NXPE2: variants seen among roughly 807,000 people sequenced by gnomAD.
NXPE2 encodes the protein NXPE family member 2.
Under a neutral mutation model 34.4 loss-of-function variants are expected in NXPE2, and 34 were observed. The observed-to-expected ratio is 0.99, with a 90% CI of 0.75 to 1.31. The LOEUF is 1.31. NXPE2 is among the 40% of genes most tolerant of loss of function. The pLI is 0.00. For missense variants in NXPE2, 649 were observed against 672.5 expected, an observed-to-expected ratio of 0.97 and a Z score of 0.39; for synonymous variants, 235 against 231.3, an observed-to-expected ratio of 1.02 and a Z score of -0.15.
the NXPE2 span, chr11:114,581,803 C>G: frequency 6.3e-6 from 10 of 1,579,006 alleles, no homozygotes; most frequent in Non-Finnish European, 8.7e-6. Context: ...GACACAAATA[C>G]AGAAATTAAT....
the NXPE2 span, among the ~76,000 whole-genome samples, chr11:114,602,003 T>C: frequency 1.9e-3 from 164 of 86,636 alleles, no homozygotes; most frequent in Middle Eastern, 0.016. Flanking sequence ...ATGTATCTAA[T>C]GTATTATATT....
chr11:114,796,276 A>G, the NXPE2 span, among the ~76,000 whole-genome samples: 1 of 152,192 alleles, frequency 6.6e-6, no homozygotes, highest in Non-Finnish European at 1.5e-5. Context: ...ATAAATCTTA[A>G]AGCTCTGTTC....
chr11:114,739,952 T>C, the NXPE2 span, among the ~76,000 whole-genome samples: 1 of 152,204 alleles, frequency 6.6e-6, no homozygotes, highest in Admixed American at 6.5e-5. Flanking sequence ...TTCCATTATA[T>C]ATACAGTAGT....
chr11:114,641,670 G>A, the NXPE2 span, among the ~76,000 whole-genome samples: 1 of 152,000 alleles, frequency 6.6e-6, no homozygotes, highest in African/African-American at 2.4e-5. Context: ...GATACTAATA[G>A]GAGGTAAAAC....
the NXPE2 span, among the ~76,000 whole-genome samples, chr11:114,768,162 T>C: frequency 0.33 from 49,817 of 152,076 alleles, 8,974 homozygotes; most frequent in East Asian, 0.43. Flanking sequence ...ATTTATTAAA[T>C]AGGGAATCCT....
the NXPE2 span, among the ~76,000 whole-genome samples, chr11:114,757,007 C>G: frequency 6.6e-6 from 1 of 152,100 alleles, no homozygotes; most frequent in Non-Finnish European, 1.5e-5. Flanking sequence ...CTTCTGTCCA[C>G]AATAGTCCTT....
the NXPE2 span, among the ~76,000 whole-genome samples, chr11:114,613,965 G>A: frequency 2.0e-5 from 3 of 151,498 alleles, no homozygotes; most frequent in African/African-American, 7.3e-5. Context: ...GTTTACCGGT[G>A]GATAATAAGT....
the NXPE2 span, among the ~76,000 whole-genome samples, chr11:114,738,715 A>T: frequency 6.6e-6 from 1 of 152,318 alleles, no homozygotes; most frequent in Non-Finnish European, 1.5e-5. Context: ...TTACGTTAAC[A>T]TCACTGTGCA....
chr11:114,688,279 G>C (rs1218103455), intron 2 of NXPE2, among the ~76,000 whole-genome samples: 4 of 151,818 alleles, frequency 2.6e-5, no homozygotes, highest in African/African-American at 9.7e-5. Flanking sequence ...GTTTGTTGAA[G>C]GTTTTTTATC....
chr11:114,576,214 A>C, the NXPE2 span, among the ~76,000 whole-genome samples: 1 of 152,174 alleles, frequency 6.6e-6, no homozygotes, highest in South Asian at 2.1e-4. Flanking sequence ...GATGGATCAA[A>C]GACTTAAATT....
chr11:114,607,205 G>C, the NXPE2 span, among the ~76,000 whole-genome samples: 1 of 151,822 alleles, frequency 6.6e-6, no homozygotes, highest in African/African-American at 2.4e-5. Context: ...TTACCCTGTG[G>C]AAAATAAATG....
intron 2 of NXPE2, among the ~76,000 whole-genome samples, chr11:114,695,830 A>AACACAC (rs67132329): frequency 0.07 from 9,291 of 132,508 alleles, 478 homozygotes; most frequent in East Asian, 0.19. Context: ...GTCTCTACTA[A>AACACAC]ACACACACAC....
At chr11:114,716,756 A>T in the NXPE2 span, among the ~76,000 whole-genome samples, 1 of 152,216 alleles carries the variant, frequency 6.6e-6, no homozygotes, top group African/African-American at 2.4e-5. Context: ...GCAGTTTGGT[A>T]TCAGTCCATT....
At chr11:114,528,646 A>G in the NXPE2 span, 4 of 448,934 alleles carry the variant, frequency 8.9e-6, no homozygotes, top group African/African-American at 1.9e-5. Context: ...CTTTCCTCCA[A>G]TTGATGAAAG....
chr11:114,725,518 G>GT, the NXPE2 span, among the ~76,000 whole-genome samples: 15,529 of 150,768 alleles, frequency 0.1, 872 homozygotes, highest in Middle Eastern at 0.16. Context: ...TTTCCTGAGT[G>GT]TTTTTTTTTA....
At chr11:114,756,709 A>G in the NXPE2 span, among the ~76,000 whole-genome samples, 9 of 152,348 alleles carry the variant, frequency 5.9e-5, no homozygotes, top group African/African-American at 2.2e-4. Flanking sequence ...AAAAAAACCT[A>G]TACCTTAAAG....
chr11:114,755,587 T>A, the NXPE2 span, among the ~76,000 whole-genome samples: 146 of 152,334 alleles, frequency 9.6e-4, no homozygotes, highest in African/African-American at 3.4e-3. Context: ...TGCAGACAGC[T>A]TGCTTACTTT....
chr11:114,707,780 G>A (rs1162731856), downstream of NXPE2, among the ~76,000 whole-genome samples: 1 of 152,140 alleles, frequency 6.6e-6, no homozygotes, highest in Non-Finnish European at 1.5e-5. Context: ...TCATATAAGT[G>A]GGAACATGCA....
At chr11:114,488,885 A>T in the NXPE2 span, among the ~76,000 whole-genome samples, 2 of 151,904 alleles carry the variant, frequency 1.3e-5, no homozygotes, top group Non-Finnish European at 2.9e-5. Context: ...AGATAGAGAC[A>T]CAAAAAACCC....
Sources: gnomAD v4.1 joint callset for allele counts (sites outside exome capture counted in the v4.1 genomes callset) on GRCh38, gnomAD v4.1.1 for gene constraint, MANE v1.5 for transcripts, NCBI Gene and HGNC (gene_info 2026-07-23, HGNC 2026-07-21) for gene names.